The following ST6GALNAC1 variants were observed in gnomAD, a reference collection of about 807,000 sequenced individuals.
The protein encoded by ST6GALNAC1 is ST6 N-acetylgalactosaminide alpha-2,6-sialyltransferase 1.
A neutral mutation model predicts 56.8 loss-of-function variants in ST6GALNAC1; 45 were observed. That is an observed-to-expected ratio of 0.79 (90% CI 0.62 to 1.02). The LOEUF is 1.02. ST6GALNAC1 is among the 50% of genes least tolerant of loss of function. ST6GALNAC1 has a pLI of 0.00. For missense variants in ST6GALNAC1, 743 were observed against 754.8 expected, an observed-to-expected ratio of 0.98 and a Z score of 0.18; for synonymous variants, 295 against 297.8, an observed-to-expected ratio of 0.99 and a Z score of 0.10.
chr17:76,638,447 G>A (rs1185401467), intron 1 of ST6GALNAC1, among the ~76,000 whole-genome samples: 1 of 151,922 alleles, frequency 6.6e-6, no homozygotes, highest in East Asian at 1.9e-4. Flanking sequence ...AGCAATCTTA[G>A]CTCACTGCAA....
At position 76,625,472 on chromosome 17, in the gene ST6GALNAC1, T is replaced by C. The variant is rs1238145073; in HGVS notation, c.1661A>G (p.Tyr554Cys). The C allele has an allele frequency of 3.7e-6, 6 of 1,614,050 alleles. No homozygotes were observed. The highest frequency in any genetic ancestry group is 1.7e-5 in the Admixed American group (1 of 59,998). Residue 554 changes from tyrosine (Y) to cysteine (C), a missense_variant, in exon 9 of 9, where the codon TAT (tyrosine) becomes TGT (cysteine). Physicochemically the swap from Tyr to Cys is radical, Grantham distance 194 (BLOSUM62 -2). Transcript: ENST00000156626. ...EGHERFSDHY[Y>C]DTSWKRLIFY... ...GATCAGCCGCTTCCATGATGTATCA[T>C]AGTAGTGATCAGAAAAGCGCTCATG... is the stretch of plus-strand genomic sequence containing the variant.
chr17:76,622,466 G>A (rs1245721282), downstream of ST6GALNAC1, among the ~76,000 whole-genome samples: 1 of 152,124 alleles, frequency 6.6e-6, no homozygotes, highest in African/African-American at 2.4e-5. Flanking sequence ...CCGGGTTCAA[G>A]TAATTCTTCT....
At chr17:76,626,818 C>T in intron 4 of ST6GALNAC1, 29 bp from the exon 5 acceptor site, 1 of 1,612,676 alleles carries the variant, frequency 6.2e-7, no homozygotes, top group East Asian at 2.2e-5. Context: ...TCAGACGGGA[C>T]AGGTGAGCAG....
At chr17:76,628,021 C>G (rs1018322125) in intron 2 of ST6GALNAC1, among the ~76,000 whole-genome samples, 1 of 150,152 alleles carries the variant, frequency 6.7e-6, no homozygotes, top group East Asian at 2.0e-4. Context: ...GGCGTGAACC[C>G]GGGAAGCGGA....
Position 76,643,504 on chromosome 17 carries a change from T to C in ST6GALNAC1, c.131+4A>G. 6.2e-7 allele frequency: 1 copy of C among 1,613,706 alleles called. No individual in the cohort carries two copies. Among genetic ancestry groups the C allele is most frequent in the South Asian group, 1.1e-5 (1 of 91,056 alleles). ...ATGAGGAGTGGAAAGGACAAGAATC[T>C]TACCTGGAAGGCTTTGTTTGAGGCT... On this transcript the variant is annotated splice_donor_region_variant and intron_variant, in intron 1 of 8. Transcript: ENST00000156626.
chr17:76,627,142 G>T lies in ST6GALNAC1; in HGVS notation c.1097C>A (p.Ala366Asp), dbSNP rs1176098557. 6 of 1,606,504 alleles carry T rather than the reference G, an allele frequency of 3.7e-6. No individual in the cohort carries two copies. The South Asian group carries it at 6.7e-5, about 18-fold the overall frequency. ...PAGSLRCITCAVVGNGGILNN... is the reference protein window; with the variant it reads ...PAGSLRCITCDVVGNGGILNN... ...CAGGATGCCCCCGTTGCCCACCACG[G>T]CACAGGTGATGCACCGGAGGCTCCC... Residue 366 changes from alanine to aspartate, a missense_variant, in exon 4 of 9, where the codon GCC becomes GAC. Physicochemically the swap from Ala to Asp is moderately radical, Grantham distance 126. Coordinates refer to ENST00000156626, the MANE Select transcript of ST6GALNAC1 (RefSeq NM_018414.5). The surrounding 1 kb of genome is among the most constrained non-coding windows in gnomAD (Gnocchi z 4.4).
In ST6GALNAC1 at chr17:76,627,141, G is replaced by T; in HGVS notation, c.1098C>A (p.Ala366=). Residue 366 remains alanine, a synonymous_variant, in exon 4 of 9, where the codon GCC becomes GCA. Coordinates refer to ENST00000156626, the MANE Select transcript of ST6GALNAC1 (RefSeq NM_018414.5). The surrounding 1 kb of genome is among the most constrained non-coding windows in gnomAD (Gnocchi z 4.4). ...TCAGGATGCCCCCGTTGCCCACCACGGCACAGGTGATGCACCGGAGGCTCC... is the reference window on the plus strand; with the variant it reads ...TCAGGATGCCCCCGTTGCCCACCACTGCACAGGTGATGCACCGGAGGCTCC... ...PAGSLRCITC[A]VVGNGGILNN... is the part of the protein sequence containing the mutation. 1 of 1,606,326 alleles carries T rather than the reference G, an allele frequency of 6.2e-7. No homozygotes were observed. The highest frequency in any genetic ancestry group is 1.1e-5 in the South Asian group (1 of 89,938).
intron 1 of ST6GALNAC1, among the ~76,000 whole-genome samples, chr17:76,642,463 T>G (rs898663926): frequency 6.6e-6 from 1 of 152,154 alleles, no homozygotes; most frequent in African/African-American, 2.4e-5. Context: ...ACTATAGCAG[T>G]GTTAGCTACA....
chr17:76,619,143 AG>A, the ST6GALNAC1 span, among the ~76,000 whole-genome samples: 2 of 152,240 alleles, frequency 1.3e-5, no homozygotes, highest in Admixed American at 6.5e-5. Context: ...CCATTCTTTA[AG>A]CACGTCCTTA....
chr17:76,629,461 C>T lies in ST6GALNAC1; in HGVS notation c.382G>A (p.Glu128Lys). Residue 128 changes from glutamate to lysine, a missense_variant, in exon 2 of 9, where the codon GAA (glutamate) becomes AAA (lysine). Transcript: ENST00000156626. ...TAQRAAWKSPEKEKTMVNTLS... is the reference protein window; with the variant it reads ...TAQRAAWKSPKKEKTMVNTLS... ...GTGTTCACCATGGTTTTCTCTTTTT[C>T]TGGGCTCTTCCATGCTGCCCTCTGT... 6 of 1,614,128 alleles carry T rather than the reference C, an allele frequency of 3.7e-6. No homozygotes were observed. Among genetic ancestry groups the T allele is most frequent in the Non-Finnish European group, 5.1e-6 (6 of 1,180,026 alleles).
Position 76,630,286 on chromosome 17 carries a change from A to G in ST6GALNAC1, c.132-575T>C, listed in dbSNP as rs553855944. On this transcript the variant is annotated intron_variant, in intron 1 of 8. Coordinates refer to ENST00000156626, the MANE Select transcript of ST6GALNAC1 (RefSeq NM_018414.5). ...TTATTGTTATTCGAGGCAGGAAACA[A>G]AGGTCTTTGATCACTGGAGAAAGGC... Among the ~76,000 whole-genome samples, 2 of 152,268 alleles carry G rather than the reference A, an allele frequency of 1.3e-5. 1 individual carries two copies. The highest frequency in any genetic ancestry group is 4.1e-4 in the South Asian group (2 of 4,828).
Position 76,625,899 on chromosome 17 carries a change from G to A in ST6GALNAC1, c.1525C>T (p.Leu509=). The change falls in exon 8 of 9, where the codon CTG becomes TTG. Residue 509 remains leucine (L), a synonymous_variant. Transcript: ENST00000156626. ...MKNRFLRSKT[L]DGAHWRIYRP... Reference sequence around the variant, plus strand: ...TATATCCTCCAGTGGGCACCATCCAGGGTCTTAGACCTCAGAAACCTGTGA... The same window carrying A: ...TATATCCTCCAGTGGGCACCATCCAAGGTCTTAGACCTCAGAAACCTGTGA... 6.4e-7 allele frequency: 1 copy of A among 1,572,164 alleles called. No individual in the cohort carries two copies. The highest frequency in any genetic ancestry group is 1.4e-5 in the African/African-American group (1 of 73,854).
downstream of ST6GALNAC1, among the ~76,000 whole-genome samples, chr17:76,624,390 C>T (rs2143405516): frequency 6.6e-6 from 1 of 152,242 alleles, no homozygotes; most frequent in African/African-American, 2.4e-5. Flanking sequence ...GCTGGGATTA[C>T]AGGCGCCCGC....
At chr17:76,639,777 G>A (rs1258643971) in intron 1 of ST6GALNAC1, among the ~76,000 whole-genome samples, 1 of 151,732 alleles carries the variant, frequency 6.6e-6, no homozygotes, top group Non-Finnish European at 1.5e-5. Context: ...GCTGGAGGTA[G>A]GGAGTGGGGG....
At chr17:76,625,950 G>C (rs1420470914) in intron 7 of ST6GALNAC1, 32 bp from the exon 8 acceptor site, 1 of 1,604,132 alleles carries the variant, frequency 6.2e-7, no homozygotes. Flanking sequence ...CAACTGTCAG[G>C]AGGCTGCAAG....
At chr17:76,628,897 C>G in intron 2 of ST6GALNAC1, 115 bp downstream of exon 2, 3 of 986,490 alleles carry the variant, frequency 3.0e-6, no homozygotes, top group Non-Finnish European at 3.0e-6. Context: ...TGGGGCAGGA[C>G]AAGACAAAGT....
At position 76,625,153 on chromosome 17, in the gene ST6GALNAC1, T is replaced by A; in HGVS notation, c.*177A>T. The A allele has an allele frequency of 1.5e-6, 1 of 660,678 alleles. No homozygotes were observed. Among genetic ancestry groups the A allele is most frequent in the Non-Finnish European group, 2.5e-6 (1 of 392,784 alleles). 40.9% of individuals were successfully genotyped at this position (660,678 alleles called of 1,614,324 possible). On this transcript the variant is annotated 3_prime_UTR_variant, in exon 9 of 9. Coordinates refer to ENST00000156626, the MANE Select transcript of ST6GALNAC1 (RefSeq NM_018414.5). ...CAATGTACTGAAGAACTTCAGAACC[T>A]CAATTAGCCATTTGCCATCTTGAGA...
rs2075817020 is a variant in ST6GALNAC1, at chr17:76,627,288, G to A, written c.1001-50C>T. The stretch of plus-strand genomic sequence containing the variant: ...ATTCAGAGCCCTGGGAGGGACAGGA[G>A]TCCGACCCATCATTCCTCCCAGGTC... On this transcript the variant is annotated intron_variant, in intron 3 of 8. Transcript: ENST00000156626. This position sits in a 1 kb window ranked among gnomAD's most constrained non-coding sequence, Gnocchi z 4.4. The A allele has an allele frequency of 6.4e-7, 1 of 1,554,966 alleles. No homozygotes were observed. Among genetic ancestry groups the A allele is most frequent in the African/African-American group, 1.4e-5 (1 of 73,390 alleles).
At chr17:76,621,943 C>CTTTTTTTTTTTTTTT, downstream of ST6GALNAC1, among the ~76,000 whole-genome samples, 1 of 138,032 alleles carries the variant, frequency 7.2e-6, no homozygotes, top group Non-Finnish European at 1.6e-5. Context: ...TCTTTCTTTT[C>CTTTTTTTTTTTTTTT]TTTTTTTTTT....
Sources: allele counts gnomAD v4.1 joint callset (sites outside exome capture counted in the v4.1 genomes callset), GRCh38; gene constraint gnomAD v4.1.1; non-coding constraint Gnocchi (gnomAD v3.1); transcripts MANE v1.5; gene names NCBI Gene and HGNC (gene_info 2026-07-23, HGNC 2026-07-21).